The following THSD4 variants were observed in gnomAD, a reference collection of about 807,000 sequenced individuals.
THSD4 encodes thrombospondin type 1 domain containing 4.
Under a neutral mutation model 119.0 loss-of-function variants are expected in THSD4, and 69 were observed. The observed-to-expected ratio is 0.58, with a 90% confidence interval of 0.48 to 0.71. The LOEUF (loss-of-function observed/expected upper bound fraction) is 0.71. Among genes scored for constraint, THSD4 ranks in the 30% least tolerant of loss-of-function variants. The pLI, the probability that THSD4 is intolerant of heterozygous loss-of-function variation, is 0.00. For synonymous variants in THSD4, 524 were observed against 540.4 expected, an observed-to-expected ratio of 0.97 and a Z score of 0.42; for missense variants, 1,393 against 1,391.1, an observed-to-expected ratio of 1.00 and a Z score of -0.02.
chr15:71,627,439 C>A (rs1332227594), intron 7 of THSD4, among the ~76,000 whole-genome samples: 1 of 152,238 alleles, frequency 6.6e-6, no homozygotes. Flanking sequence ...TGAGCTTGCA[C>A]AAGCTCAGGC....
chr15:71,118,576 A>G (rs1443063521), intron 1 of THSD4, among the ~76,000 whole-genome samples: 1 of 150,698 alleles, frequency 6.6e-6, no homozygotes, highest in Non-Finnish European at 1.5e-5. Flanking sequence ...TAGTGGCCCC[A>G]GCACACTTGA....
At chr15:71,338,289 G>A (rs985298249) in intron 6 of THSD4, among the ~76,000 whole-genome samples, 1 of 142,136 alleles carries the variant, frequency 7.0e-6, no homozygotes, top group East Asian at 2.1e-4. Context: ...CCCACTCTGA[G>A]CTTCTTTCCG....
At chr15:71,391,889 A>G (rs1182624113) in intron 6 of THSD4, among the ~76,000 whole-genome samples, 3 of 152,312 alleles carry the variant, frequency 2.0e-5, no homozygotes, top group African/African-American at 7.2e-5. Context: ...TGCAAGAACC[A>G]TACAGAGGAA....
At chr15:71,716,306 C>T (rs2052605853) in intron 8 of THSD4, among the ~76,000 whole-genome samples, 1 of 152,184 alleles carries the variant, frequency 6.6e-6, no homozygotes, top group Non-Finnish European at 1.5e-5. Flanking sequence ...TAAATAACAT[C>T]TTCAAAGATC....
At chr15:71,105,547 C>A (rs2040270618) in intron 1 of THSD4, among the ~76,000 whole-genome samples, 1 of 152,188 alleles carries the variant, frequency 6.6e-6, no homozygotes, top group Non-Finnish European at 1.5e-5. Flanking sequence ...TAAATTACCT[C>A]ATTAGCATAA....
chr15:71,512,354 G>T (rs1172956112), intron 7 of THSD4, among the ~76,000 whole-genome samples: 1 of 152,194 alleles, frequency 6.6e-6, no homozygotes, highest in Non-Finnish European at 1.5e-5. Context: ...CTCCCACTGA[G>T]ATTTATGCAT....
intron 7 of THSD4, among the ~76,000 whole-genome samples, chr15:71,553,310 C>T (rs2048960710): frequency 6.7e-6 from 1 of 148,828 alleles, no homozygotes; most frequent in Non-Finnish European, 1.5e-5. Context: ...TGTGAACGTT[C>T]CTGTCTTCTA....
intron 6 of THSD4, among the ~76,000 whole-genome samples, chr15:71,287,348 C>T (rs1460611901): frequency 1.3e-5 from 2 of 152,142 alleles, no homozygotes. Context: ...CCAAGAAAAA[C>T]TGAAAATAAT....
rs556260851 is a variant in THSD4, at chr15:71,609,405, A to T, written c.1153-51125A>T. Among the ~76,000 whole-genome samples, 16 of 152,244 alleles carry T rather than the reference A, an allele frequency of 1.1e-4. No homozygotes were observed. The South Asian group carries it at 3.3e-3, about 32-fold the overall frequency. The stretch of plus-strand genomic sequence containing the variant: ...CAGCATCTCTTCAGGTTTTGTTCAG[A>T]CCTGAAGGTCAGAGGTAACAGACTT... On this transcript the variant is annotated intron_variant, in intron 7 of 17. Coordinates refer to ENST00000261862, the MANE Select transcript of THSD4 (RefSeq NM_024817.3).
intron 3 of THSD4, among the ~76,000 whole-genome samples, chr15:71,162,638 C>T (rs1240396604): frequency 1.3e-5 from 2 of 152,008 alleles, no homozygotes; most frequent in Admixed American, 6.5e-5. Flanking sequence ...TCACTGAAGA[C>T]CTTTGACCTT....
chr15:71,630,692 G>C (rs1277702672), intron 7 of THSD4, among the ~76,000 whole-genome samples: 1 of 152,154 alleles, frequency 6.6e-6, no homozygotes, highest in Non-Finnish European at 1.5e-5. Context: ...CAAAGACTAA[G>C]GCCCTTCCAG....
intron 8 of THSD4, among the ~76,000 whole-genome samples, chr15:71,662,909 A>G (rs1217703027): frequency 6.6e-6 from 1 of 152,090 alleles, no homozygotes; most frequent in Non-Finnish European, 1.5e-5. Context: ...TGGAATAAAC[A>G]TTTCCTCTTT....
At chr15:71,152,080 G>A (rs1246646241) in intron 2 of THSD4, among the ~76,000 whole-genome samples, 2 of 152,046 alleles carry the variant, frequency 1.3e-5, no homozygotes, top group African/African-American at 4.8e-5. Context: ...TTATTGTCCC[G>A]AATACACCCC....
intron 14 of THSD4, 121 bp downstream of exon 14, chr15:71,748,715 A>C: frequency 7.9e-7 from 1 of 1,273,822 alleles, no homozygotes; most frequent in Non-Finnish European, 1.1e-6. Flanking sequence ...GGGGGAAAAA[A>C]AAGGCCCAGA....
chr15:71,287,478 G>A (rs1681881850), intron 6 of THSD4, among the ~76,000 whole-genome samples: 1 of 152,108 alleles, frequency 6.6e-6, no homozygotes, highest in Admixed American at 6.5e-5. Flanking sequence ...TATGCATGAG[G>A]ATATTTTTAA....
chr15:71,548,767 G>A (rs1376355092), intron 7 of THSD4, among the ~76,000 whole-genome samples: 2 of 152,136 alleles, frequency 1.3e-5, no homozygotes, highest in African/African-American at 4.8e-5. Context: ...TTTTTCGTGT[G>A]TAGAGTGAAT....
chr15:71,614,162 C>T (rs1005323819), intron 7 of THSD4, among the ~76,000 whole-genome samples: 3 of 152,194 alleles, frequency 2.0e-5, no homozygotes, highest in African/African-American at 7.2e-5. Context: ...TTAAACACTT[C>T]TTCCCAAAAG....
At position 71,243,018 on chromosome 15, in the gene THSD4, G is replaced by C; in HGVS notation, c.834G>C (p.Gln278His). The C allele has an allele frequency of 6.2e-7, 1 of 1,614,220 alleles. No individual in the cohort carries two copies. Among genetic ancestry groups the C allele is most frequent in the Non-Finnish European group, 8.5e-7 (1 of 1,180,050 alleles). Residue 278 changes from glutamine to histidine, a missense_variant, in exon 5 of 18, where the codon CAG (glutamine) becomes CAC (histidine). Gln to His is a conservative substitution (Grantham distance 24, BLOSUM62 0). Transcript: ENST00000261862. Reference sequence around the variant, plus strand: ...GTGTGGGGACCCATGGGGCAACTCAGAGCTTCTCTCAGCCTGCCCGATCTA... The same window carrying C: ...GTGTGGGGACCCATGGGGCAACTCACAGCTTCTCTCAGCCTGCCCGATCTA... ...NHGVGTHGAT[Q>H]SFSQPARSTA...
intron 7 of THSD4, among the ~76,000 whole-genome samples, chr15:71,632,998 G>C (rs1023849948): frequency 6.6e-6 from 1 of 152,120 alleles, no homozygotes; most frequent in Non-Finnish European, 1.5e-5. Flanking sequence ...TCCCAAGTTT[G>C]GCAGCTTACC....
Sources: allele counts gnomAD v4.1 joint callset (sites outside exome capture counted in the v4.1 genomes callset), GRCh38; gene constraint gnomAD v4.1.1; transcripts MANE v1.5; gene names NCBI Gene and HGNC (gene_info 2026-07-23, HGNC 2026-07-21).